Variants in MLXIP observed in about 807,000 individuals in gnomAD.
The protein encoded by MLXIP is MLX-interacting protein.
A neutral mutation model predicts 87.2 loss-of-function variants in MLXIP; 30 were observed. That is an observed-to-expected ratio of 0.34 (90% CI 0.26 to 0.47). The LOEUF (loss-of-function observed/expected upper bound fraction) is 0.47, where lower values mean the gene tolerates loss of function less well. Among genes scored for constraint, MLXIP ranks in the 20% least tolerant of loss-of-function variants. The pLI, the probability that MLXIP is intolerant of heterozygous loss-of-function variation, is 1.00. For missense variants in MLXIP, 1,002 were observed against 1,240.1 expected, an observed-to-expected ratio of 0.81 and a Z score of 2.88; for synonymous variants, 530 against 514.0, an observed-to-expected ratio of 1.03 and a Z score of -0.42.
intron 1 of MLXIP, among the ~76,000 whole-genome samples, chr12:122,080,641 G>A (rs1435865894): frequency 6.6e-6 from 1 of 152,030 alleles, no homozygotes; most frequent in Non-Finnish European, 1.5e-5. Flanking sequence ...CCCTTACCCG[G>A]CACATTGGTC....
chr12:122,135,654 G>A lies in MLXIP; in HGVS notation c.2020G>A (p.Val674Ile), dbSNP rs1393390619. 1.3e-6 allele frequency: 2 copies of A among 1,513,568 alleles called. No individual in the cohort carries two copies. The highest frequency in any genetic ancestry group is 1.8e-6 in the Non-Finnish European group (2 of 1,132,284). 93.8% of individuals were successfully genotyped at this position (1,513,568 alleles called of 1,614,324 possible). Reference protein sequence around the residue: ...PLHGGSPQVTVTGPSRDCPNS... With the variant: ...PLHGGSPQVTITGPSRDCPNS... ...GCATGGGGGCAGCCCCCAGGTCACT[G>A]TCACAGGGCCCAGTGAGTGTTCACT... is the stretch of plus-strand genomic sequence containing the variant. Residue 674 changes from valine to isoleucine, a missense_variant, in exon 11 of 17, where the codon GTC becomes ATC. Coordinates refer to ENST00000319080, the MANE Select transcript of MLXIP (RefSeq NM_014938.6). The surrounding 1 kb of genome is among the most constrained non-coding windows in gnomAD (Gnocchi z 5.3).
intron 1 of MLXIP, among the ~76,000 whole-genome samples, chr12:122,125,198 G>C (rs1045295774): frequency 6.6e-6 from 1 of 151,766 alleles, no homozygotes; most frequent in Non-Finnish European, 1.5e-5. Flanking sequence ...CTGATGTGGT[G>C]GTGGGCACCT....
intron 15 of MLXIP, 99 bp from the exon 16 acceptor site, chr12:122,140,855 C>G (rs776010480): frequency 4.5e-6 from 7 of 1,571,710 alleles, no homozygotes; most frequent in African/African-American, 4.0e-5. Flanking sequence ...CAGATACTTT[C>G]CAGCCCCAGG....
intron 1 of MLXIP, among the ~76,000 whole-genome samples, chr12:122,082,525 GGT>G (rs1952106472): frequency 6.6e-6 from 1 of 152,166 alleles, no homozygotes; most frequent in Non-Finnish European, 1.5e-5. Context: ...ACAAGAGGAG[GGT>G]TTAACGGGCT....
rs1247770262 is a variant in MLXIP at position 122,078,776 on chromosome 12, C to G, written c.-78C>G. Reference sequence around the variant, plus strand: ...CGGACAGTCGGCGCGCGGGCCGGGCCGGGCCGGCGCCCCTCTGCCTCGCGC... The same window carrying G: ...CGGACAGTCGGCGCGCGGGCCGGGCGGGGCCGGCGCCCCTCTGCCTCGCGC... On this transcript the variant is annotated 5_prime_UTR_variant, in exon 1 of 17. Coordinates refer to ENST00000319080, the MANE Select transcript of MLXIP (RefSeq NM_014938.6). 2 of 1,017,828 alleles carry G rather than the reference C, an allele frequency of 2.0e-6. No homozygotes were observed. Among genetic ancestry groups the G allele is most frequent in the Non-Finnish European group, 2.3e-6 (2 of 852,306 alleles). The allele number at this position is 1,017,828 out of a possible 1,614,324, so 63.0% of individuals were successfully genotyped here.
intron 1 of MLXIP, among the ~76,000 whole-genome samples, chr12:122,104,438 T>C (rs911774899): frequency 6.6e-6 from 1 of 152,228 alleles, no homozygotes. Context: ...TTAAGACTTA[T>C]CCATGTTGCT....
Position 122,144,498 on chromosome 12 carries a change from G to A in MLXIP, c.*2686G>A, listed in dbSNP as rs1233393840. 14 of 152,092 alleles carry A rather than the reference G, an allele frequency of 9.2e-5. No individual in the cohort carries two copies. Among genetic ancestry groups the A allele is most frequent in the Admixed American group, 8.5e-4 (13 of 15,260 alleles). 9.4% of individuals were successfully genotyped at this position (152,092 alleles called of 1,614,324 possible). A position where few individuals can be genotyped will look rare whatever the true frequency, so the allele number is the denominator to read the frequency against. ...GTCCCAGCTACTTGGGCCTGAGGCT[G>A]GAGGATTGCTTGAGCCTAGAAGTTG... On this transcript the variant is annotated 3_prime_UTR_variant, in exon 17 of 17. Coordinates refer to ENST00000319080, the MANE Select transcript of MLXIP (RefSeq NM_014938.6).
intron 16 of MLXIP, 129 bp from the exon 17 acceptor site, chr12:122,141,562 T>A (rs1219450772): frequency 2.1e-6 from 3 of 1,442,374 alleles, no homozygotes; most frequent in East Asian, 4.8e-5. Flanking sequence ...CACTCCTCCC[T>A]GCAGTCCAGC....
Position 122,078,797 on chromosome 12 carries a change from C to T in MLXIP, c.-57C>T, listed in dbSNP as rs183909049. 2,645 of 1,029,890 alleles carry T rather than the reference C, an allele frequency of 2.6e-3. 62 individuals are homozygous for T. The African/African-American group carries it at 0.042, about 16-fold the overall frequency. 63.8% of individuals were successfully genotyped at this position (1,029,890 alleles called of 1,614,324 possible). A position where few individuals can be genotyped will look rare whatever the true frequency, so the allele number is the denominator to read the frequency against. ...GGGCCGGGCCGGCGCCCCTCTGCCT[C>T]GCGCGCTTGTCGCGTTGCCCCGGGC... On this transcript the variant is annotated 5_prime_UTR_variant, in exon 1 of 17. Transcript: ENST00000319080.
intron 1 of MLXIP, among the ~76,000 whole-genome samples, chr12:122,098,259 C>T (rs1419651593): frequency 6.6e-6 from 1 of 152,192 alleles, no homozygotes; most frequent in Non-Finnish European, 1.5e-5. Context: ...CGGTGCCCCC[C>T]ACTTCTTCCC....
chr12:122,133,435 A>G lies in MLXIP; in HGVS notation c.1180A>G (p.Met394Val). 2 of 1,612,530 alleles carry G rather than the reference A, an allele frequency of 1.2e-6. No homozygotes were observed. The highest frequency in any genetic ancestry group is 1.3e-5 in the African/African-American group (1 of 74,834). ...CCCTACCGCCCCATCCCTGGCTCAC[A>G]TGGATGAGCAGGGCTGTGAACACAC... ...APPTAPSLAH[M>V]DEQGCEHTSR... is the part of the protein sequence containing the mutation. The change falls in exon 9 of 17, where the codon ATG becomes GTG. Residue 394 changes from methionine to valine, a missense_variant. By Grantham distance (21) the Met-to-Val change is conservative. Around this residue, in one of 3 missense-constraint regions of MLXIP, gnomAD observed 746 missense variants for 897.0 expected, o/e 0.83. Transcript: ENST00000319080. The surrounding 1 kb of genome is among the most constrained non-coding windows in gnomAD (Gnocchi z 4.9).
At chr12:122,113,984 C>CTTT (rs141720091) in intron 1 of MLXIP, among the ~76,000 whole-genome samples, 5 of 108,706 alleles carry the variant, frequency 4.6e-5, no homozygotes, top group Admixed American at 1.0e-4. Flanking sequence ...TGCACCCGGC[C>CTTT]TTTTTTTTTT....
At chr12:122,094,669 G>A (rs1382206935) in intron 1 of MLXIP, among the ~76,000 whole-genome samples, 4 of 144,960 alleles carry the variant, frequency 2.8e-5, no homozygotes, top group Non-Finnish European at 6.1e-5. Context: ...TGTGTGTGCA[G>A]GTGTGTGTGC....
At chr12:122,141,488 C>G (rs1242899564) in intron 16 of MLXIP, 3 of 390,778 alleles carry the variant, frequency 7.7e-6, no homozygotes, top group Non-Finnish European at 1.0e-5. Context: ...ACGGCAGCTC[C>G]TGGATTTGGG....
At chr12:122,086,997 C>G (rs951990119) in intron 1 of MLXIP, among the ~76,000 whole-genome samples, 40 of 152,168 alleles carry the variant, frequency 2.6e-4, no homozygotes, top group Non-Finnish European at 5.3e-4. Flanking sequence ...CTGGATCCGC[C>G]CAGCTTGAGC....
At chr12:122,096,185 G>C (rs140303521) in intron 1 of MLXIP, among the ~76,000 whole-genome samples, 150,123 of 152,206 alleles carry the variant, frequency 0.99, 74,069 homozygotes, top group Middle Eastern at 1. Flanking sequence ...TCAAGCAATC[G>C]TCCCGCCTCA....
intron 1 of MLXIP, among the ~76,000 whole-genome samples, chr12:122,090,932 A>G (rs1952236969): frequency 6.6e-6 from 1 of 152,154 alleles, no homozygotes; most frequent in Non-Finnish European, 1.5e-5. Flanking sequence ...CACAGAAAGC[A>G]GAGCAGTGGC....
At chr12:122,093,381 GGTGT>G (rs1208431968) in intron 1 of MLXIP, among the ~76,000 whole-genome samples, 1 of 146,286 alleles carries the variant, frequency 6.8e-6, no homozygotes, top group African/African-American at 2.5e-5. Flanking sequence ...TGGTGTGTGT[GGTGT>G]GTGGGTGGTT....
At chr12:122,107,664 T>G (rs1052284059) in intron 1 of MLXIP, among the ~76,000 whole-genome samples, 2 of 152,240 alleles carry the variant, frequency 1.3e-5, no homozygotes, top group Admixed American at 1.3e-4. Flanking sequence ...AGTGAAGTTC[T>G]GAAAGGCCAG....
Sources: gnomAD v4.1 joint callset for allele counts (sites outside exome capture counted in the v4.1 genomes callset) on GRCh38, gnomAD v4.1.1 for gene constraint, gnomAD v4.1.1 regional missense constraint, Gnocchi (gnomAD v3.1) non-coding constraint, MANE v1.5 for transcripts, NCBI Gene and HGNC (gene_info 2026-07-23, HGNC 2026-07-21) for gene names.